Variants in TRPM3 observed in about 807,000 individuals in gnomAD.
TRPM3 encodes the protein long transient receptor potential channel 3.
TRPM3 carries 77 observed loss-of-function variants against 181.2 expected under a neutral mutation model. That is an observed-to-expected ratio of 0.42 (90% CI 0.35 to 0.51). The LOEUF (loss-of-function observed/expected upper bound fraction) is 0.51. Among genes scored for constraint, TRPM3 ranks in the 20% least tolerant of loss-of-function variants. The pLI is 0.01. For missense variants in TRPM3, 1,759 were observed against 2,196.7 expected (o/e 0.80, Z 3.98); for synonymous variants, 745 against 796.4 (o/e 0.94, Z 1.09).
At chr9:70,640,438 A>C in intron 10 of TRPM3, 122 bp downstream of exon 10, 1 of 695,032 alleles carries the variant, frequency 1.4e-6, no homozygotes, top group Non-Finnish European at 2.4e-6. Context: ...CTTTGCTACC[A>C]AGGAACACAT....
At chr9:71,199,627 T>C (rs947740935) in intron 1 of TRPM3, among the ~76,000 whole-genome samples, 12 of 152,246 alleles carry the variant, frequency 7.9e-5, no homozygotes, top group Non-Finnish European at 1.3e-4. Context: ...AAGGAATTTA[T>C]CCATTTATTC....
rs1587913298 is a variant in TRPM3, at chr9:70,529,600, T to G, written c.*6353A>C. ...CTGAATCTCTCTCACAAAGACTCTG[T>G]GTTCAAGTTTAGAATTATGTGGCTA... On this transcript the variant is annotated 3_prime_UTR_variant, in exon 26 of 26. Transcript: ENST00000677713. 6.6e-6 allele frequency: 1 copy of G among 152,182 alleles called. No homozygotes were observed. Among genetic ancestry groups the G allele is most frequent in the East Asian group, 1.9e-4 (1 of 5,186 alleles). 9.4% of individuals were successfully genotyped at this position (152,182 alleles called of 1,614,324 possible).
At chr9:71,046,325 A>G (rs2059437587) in intron 1 of TRPM3, among the ~76,000 whole-genome samples, 1 of 152,188 alleles carries the variant, frequency 6.6e-6, no homozygotes, top group Non-Finnish European at 1.5e-5. Flanking sequence ...TTTATCTCAG[A>G]GCATTCTGTG....
intron 1 of TRPM3, among the ~76,000 whole-genome samples, chr9:71,313,024 T>C (rs1221540350): frequency 6.6e-6 from 1 of 151,858 alleles, no homozygotes; most frequent in African/African-American, 2.4e-5. Flanking sequence ...ACACCAAGAG[T>C]GAACCCTAAT....
chr9:71,356,421 C>T (rs982167304), intron 1 of TRPM3, among the ~76,000 whole-genome samples: 2 of 152,016 alleles, frequency 1.3e-5, no homozygotes, highest in African/African-American at 4.8e-5. Context: ...ACCCACACAA[C>T]CCATACAGAA....
rs80192176 is a variant in TRPM3 at position 70,911,494 on chromosome 9, C to T, written c.178-46983G>A. Among the ~76,000 whole-genome samples the T allele has an allele frequency of 5.5e-3, 843 of 152,246 alleles. 12 individuals carry two copies. The highest frequency in any genetic ancestry group is 0.019 in the African/African-American group (787 of 41,542). ...CTTACAAATTTTCTATTTCTATATT[C>T]GACCACGTGCTAATGGACTCCAATT... On this transcript the variant is annotated intron_variant, in intron 1 of 25. Coordinates refer to ENST00000677713, the MANE Select transcript of TRPM3 (RefSeq NM_001366145.2).
rs908474987 is a variant in TRPM3, at chr9:70,530,719, C to T, written c.*5234G>A. ...GAGAGGAATTAAAAGAAAAAAATTG[C>T]TTTTCCTTAATTGGAACCAGCCTTT... On this transcript the variant is annotated 3_prime_UTR_variant, in exon 26 of 26. Coordinates refer to ENST00000677713, the MANE Select transcript of TRPM3 (RefSeq NM_001366145.2). 1.3e-5 allele frequency: 2 copies of T among 152,158 alleles called. No individual in the cohort carries two copies. The highest frequency in any genetic ancestry group is 4.8e-5 in the African/African-American group (2 of 41,442). The allele number at this position is 152,158 out of a possible 1,614,324, so 9.4% of individuals were successfully genotyped here.
intron 1 of TRPM3, among the ~76,000 whole-genome samples, chr9:70,948,437 A>G (rs907037904): frequency 1.3e-5 from 2 of 152,134 alleles, no homozygotes; most frequent in African/African-American, 4.8e-5. Context: ...TTTTACTCTA[A>G]TTAAACATAA....
intron 1 of TRPM3, among the ~76,000 whole-genome samples, chr9:71,200,856 G>A (rs1365371152): frequency 6.6e-6 from 1 of 150,648 alleles, no homozygotes; most frequent in African/African-American, 2.4e-5. Context: ...TTTAATTGGA[G>A]AATTTAGTCC....
chr9:70,556,593 A>G (rs527255177), intron 22 of TRPM3, among the ~76,000 whole-genome samples: 2 of 152,240 alleles, frequency 1.3e-5, no homozygotes, highest in South Asian at 2.1e-4. Flanking sequence ...ATGGTGGCAC[A>G]CACCTGTAGT....
chr9:70,666,710 T>C (rs185791245), intron 9 of TRPM3, among the ~76,000 whole-genome samples: 1 of 152,314 alleles, frequency 6.6e-6, no homozygotes, highest in African/African-American at 2.4e-5. Context: ...TGTGTTCCTC[T>C]ATATTATGAT....
chr9:70,623,684 CTTG>C (rs1397798094), intron 14 of TRPM3, among the ~76,000 whole-genome samples: 1 of 152,088 alleles, frequency 6.6e-6, no homozygotes, highest in South Asian at 2.1e-4. Flanking sequence ...TAAGAATGGC[CTTG>C]TTGAGGTCTA....
At chr9:70,830,735 C>A (rs943473939) in intron 5 of TRPM3, among the ~76,000 whole-genome samples, 2 of 152,164 alleles carry the variant, frequency 1.3e-5, no homozygotes, top group East Asian at 3.8e-4. Flanking sequence ...CTGTGTGAAT[C>A]TGAGTCTCAC....
intron 1 of TRPM3, among the ~76,000 whole-genome samples, chr9:71,197,764 G>T (rs2078484037): frequency 7.0e-6 from 1 of 143,744 alleles, no homozygotes; most frequent in Non-Finnish European, 1.5e-5. Flanking sequence ...GTAGATTCTG[G>T]ATATTAGCCC....
intron 1 of TRPM3, among the ~76,000 whole-genome samples, chr9:71,434,452 T>C (rs898804917): frequency 5.3e-5 from 8 of 152,190 alleles, no homozygotes; most frequent in Middle Eastern, 3.2e-3. Context: ...GCCTTCAATA[T>C]GATAAGAAAT....
intron 1 of TRPM3, among the ~76,000 whole-genome samples, chr9:70,914,185 C>T (rs1007693380): frequency 3.3e-5 from 5 of 152,136 alleles, no homozygotes; most frequent in Non-Finnish European, 5.9e-5. Flanking sequence ...ATAAAAGAGG[C>T]TTCACATAGC....
At chr9:71,269,874 C>T (rs1350796155) in intron 1 of TRPM3, among the ~76,000 whole-genome samples, 1 of 152,020 alleles carries the variant, frequency 6.6e-6, no homozygotes, top group African/African-American at 2.4e-5. Context: ...TATTGAAATC[C>T]CTGGATCACT....
intron 7 of TRPM3, among the ~76,000 whole-genome samples, chr9:70,768,511 T>C (rs1718143095): frequency 6.6e-6 from 1 of 152,126 alleles, no homozygotes; most frequent in Admixed American, 6.6e-5. Flanking sequence ...TTTCTTGATG[T>C]CTTAATTTCA....
At chr9:71,151,744 A>G (rs1233924357) in intron 1 of TRPM3, among the ~76,000 whole-genome samples, 1 of 152,118 alleles carries the variant, frequency 6.6e-6, no homozygotes, top group Non-Finnish European at 1.5e-5. Context: ...CATTACATAA[A>G]TCCAAATAAA....
Sources: gnomAD v4.1 joint callset for allele counts (sites outside exome capture counted in the v4.1 genomes callset) on GRCh38, gnomAD v4.1.1 for gene constraint, MANE v1.5 for transcripts, NCBI Gene and HGNC (gene_info 2026-07-23, HGNC 2026-07-21) for gene names.